Variants in ACSM1 observed in about 807,000 individuals in gnomAD.
ACSM1 encodes acyl-CoA synthetase medium chain family member 1, also known as acyl-coenzyme A synthetase ACSM1, mitochondrial.
ACSM1 carries 79 observed loss-of-function variants against 75.8 expected under a neutral mutation model. The ratio of observed to expected loss-of-function variants is 1.04; its 90% CI spans 0.87 to 1.26. The LOEUF (loss-of-function observed/expected upper bound fraction) is 1.26, where lower values mean the gene tolerates loss of function less well. ACSM1 is among the 50% of genes most tolerant of loss of function. The probability of loss-of-function intolerance (pLI) is 0.00; values close to 1 mark genes in which losing one functional copy is unlikely to be tolerated. For synonymous variants in ACSM1, 279 were observed against 265.8 expected (o/e 1.05, Z -0.48); for missense variants, 676 against 720.1 (o/e 0.94, Z 0.70).
At chr16:20,652,532 A>G (rs539894563) in intron 7 of ACSM1, among the ~76,000 whole-genome samples, 85 of 152,242 alleles carry the variant, frequency 5.6e-4, no homozygotes, top group African/African-American at 2.0e-3. Context: ...ATGGGATTAC[A>G]CAAGAAAGAG....
intron 10 of ACSM1, among the ~76,000 whole-genome samples, chr16:20,629,421 T>C (rs1360303459): frequency 1.3e-5 from 2 of 152,108 alleles, no homozygotes; most frequent in Admixed American, 6.5e-5. Context: ...AAAGAAAATA[T>C]CTGTAGAATA....
intron 6 of ACSM1, among the ~76,000 whole-genome samples, chr16:20,665,140 T>C (rs909770697): frequency 6.6e-6 from 1 of 151,960 alleles, no homozygotes; most frequent in African/African-American, 2.4e-5. Context: ...AGAAAATAAA[T>C]AATTAAAATT....
intron 4 of ACSM1, among the ~76,000 whole-genome samples, chr16:20,677,227 A>G (rs80081610): frequency 2.9e-5 from 2 of 68,436 alleles, no homozygotes; most frequent in Admixed American, 3.4e-4. Context: ...TAAAGAAATT[A>G]AAAAAAAAAA....
At chr16:20,678,320 C>T (rs1314091886) in intron 4 of ACSM1, among the ~76,000 whole-genome samples, 1 of 152,068 alleles carries the variant, frequency 6.6e-6, no homozygotes, top group East Asian at 1.9e-4. Flanking sequence ...GCACTAAAGA[C>T]ATTATTAAGG....
At chr16:20,694,673 G>A (rs1321765071) in intron 1 of ACSM1, among the ~76,000 whole-genome samples, 1 of 152,210 alleles carries the variant, frequency 6.6e-6, no homozygotes, top group African/African-American at 2.4e-5. Context: ...GAGAGATATA[G>A]TGAGGGAATC....
intron 7 of ACSM1, among the ~76,000 whole-genome samples, chr16:20,651,395 G>A (rs1029479104): frequency 3.3e-5 from 5 of 152,138 alleles, no homozygotes; most frequent in Admixed American, 6.6e-5. Flanking sequence ...TCAGGAGGCC[G>A]AGGTGGGCAC....
At chr16:20,649,837 C>T (rs1270849209) in intron 7 of ACSM1, among the ~76,000 whole-genome samples, 4 of 152,158 alleles carry the variant, frequency 2.6e-5, no homozygotes, top group Non-Finnish European at 4.4e-5. Flanking sequence ...CCACCTTGGG[C>T]GTATGTTCTC....
intron 2 of ACSM1, among the ~76,000 whole-genome samples, chr16:20,685,892 T>C (rs1313082434): frequency 6.7e-6 from 1 of 149,068 alleles, no homozygotes; most frequent in African/African-American, 2.5e-5. Flanking sequence ...GGAGCGGGAC[T>C]TCTGGCCTAC....
intron 4 of ACSM1, among the ~76,000 whole-genome samples, chr16:20,672,465 AAAAAAAATAT>A (rs2019974741): frequency 1.9e-5 from 2 of 106,376 alleles, no homozygotes; most frequent in Non-Finnish European, 3.7e-5. Flanking sequence ...AAAAAAAAAA[AAAAAAAATAT>A]ATATATATAT....
chr16:20,649,874 G>A (rs2018556091), intron 7 of ACSM1, among the ~76,000 whole-genome samples: 2 of 152,096 alleles, frequency 1.3e-5, no homozygotes, highest in South Asian at 4.1e-4. Context: ...TGTGTCACAG[G>A]CCATGGTCGC....
chr16:20,623,351 T>C lies in ACSM1; in HGVS notation c.*135A>G, dbSNP rs540533713. 12 of 706,680 alleles carry C rather than the reference T, an allele frequency of 1.7e-5. No individual in the cohort carries two copies. Among genetic ancestry groups the C allele is most frequent in the Admixed American group, 2.7e-5 (1 of 36,424 alleles). The allele number at this position is 706,680 out of a possible 1,614,324, so 43.8% of individuals were successfully genotyped here. ...AATTTAATTTAAAAGAAGGAAAACA[T>C]TGGAATCATGGCACTCCTGATACTT... On this transcript the variant is annotated 3_prime_UTR_variant, in exon 14 of 14. Transcript: ENST00000520010.
intron 7 of ACSM1, among the ~76,000 whole-genome samples, chr16:20,661,348 T>C (rs2019288859): frequency 6.6e-6 from 1 of 152,150 alleles, no homozygotes; most frequent in Admixed American, 6.5e-5. Flanking sequence ...TGGTTAGGGA[T>C]AGTTCCTTAG....
intron 6 of ACSM1, among the ~76,000 whole-genome samples, chr16:20,668,442 G>T (rs2019697181): frequency 6.6e-6 from 1 of 152,110 alleles, no homozygotes. Flanking sequence ...TGCAGAATGT[G>T]GTACAGAAAA....
chr16:20,671,514 G>A lies in ACSM1; in HGVS notation c.752+17C>T, dbSNP rs202144218. On this transcript the variant is annotated intron_variant, in intron 5 of 13. Coordinates refer to ENST00000520010, the MANE Select transcript of ACSM1 (RefSeq NM_001318890.3). Reference sequence around the variant, plus strand: ...CACATCTGGGTCCAGCCTCTATGTCGGTGCCCTCTTTCCTACCTTCCTGGG... The same window carrying A: ...CACATCTGGGTCCAGCCTCTATGTCAGTGCCCTCTTTCCTACCTTCCTGGG... 26 of 1,587,898 alleles carry A rather than the reference G, an allele frequency of 1.6e-5. No individual in the cohort carries two copies. The Admixed American group carries it at 1.7e-4, about 11-fold the overall frequency.
chr16:20,674,583 T>A (rs915879721), intron 4 of ACSM1: 6 of 152,416 alleles, frequency 3.9e-5, no homozygotes, highest in African/African-American at 1.4e-4. Flanking sequence ...CATCGGTCTC[T>A]CTGATTCCTA....
At chr16:20,632,045 C>T (rs1300085998) in intron 10 of ACSM1, among the ~76,000 whole-genome samples, 2 of 152,142 alleles carry the variant, frequency 1.3e-5, no homozygotes, top group African/African-American at 2.4e-5. Flanking sequence ...CCCATGCTCA[C>T]GATATAATCA....
chr16:20,694,964 C>A (rs918287285), intron 1 of ACSM1, among the ~76,000 whole-genome samples: 1 of 152,136 alleles, frequency 6.6e-6, no homozygotes, highest in African/African-American at 2.4e-5. Context: ...GGACCTCCAG[C>A]CTTCAGAACT....
At chr16:20,667,271 A>T (rs2019623023) in intron 6 of ACSM1, among the ~76,000 whole-genome samples, 1 of 152,156 alleles carries the variant, frequency 6.6e-6, no homozygotes, top group South Asian at 2.1e-4. Flanking sequence ...GTGATGTCTA[A>T]TTAGAACTAA....
intron 1 of ACSM1, among the ~76,000 whole-genome samples, chr16:20,697,132 G>T (rs982035237): frequency 6.6e-6 from 1 of 152,108 alleles, no homozygotes; most frequent in African/African-American, 2.4e-5. Flanking sequence ...GAGTGCAGTG[G>T]TGTGATCATA....
Sources: gnomAD v4.1 joint callset for allele counts (sites outside exome capture counted in the v4.1 genomes callset) on GRCh38, gnomAD v4.1.1 for gene constraint, MANE v1.5 for transcripts, NCBI Gene and HGNC (gene_info 2026-07-23, HGNC 2026-07-21) for gene names.